POU2F1: variants seen among roughly 807,000 people sequenced by gnomAD.
POU2F1 encodes POU class 2 homeobox 1.
Under a neutral mutation model 84.9 loss-of-function variants are expected in POU2F1, and 16 were observed. The ratio of observed to expected loss-of-function variants is 0.19; its 90% CI spans 0.13 to 0.29. The LOEUF is 0.29. Among genes scored for constraint, POU2F1 ranks in the 10% least tolerant of loss-of-function variants. The probability of loss-of-function intolerance (pLI) is 1.00; values close to 1 mark genes in which losing one functional copy is unlikely to be tolerated. For synonymous variants in POU2F1, 368 were observed against 368.3 expected (o/e 1.00, Z 0.01); for missense variants, 738 against 942.6 (o/e 0.78, Z 2.84).
chr1:167,285,047 G>T (rs932731493), intron 1 of POU2F1, among the ~76,000 whole-genome samples: 2 of 152,184 alleles, frequency 1.3e-5, no homozygotes, highest in African/African-American at 2.4e-5. Flanking sequence ...TCACTTGGCA[G>T]CTGTGATATG....
intron 1 of POU2F1, among the ~76,000 whole-genome samples, chr1:167,278,619 T>C (rs1329431316): frequency 6.6e-6 from 1 of 152,208 alleles, no homozygotes; most frequent in African/African-American, 2.4e-5. Context: ...TAAAATCAGC[T>C]AATTCCTGAG....
intron 7 of POU2F1, among the ~76,000 whole-genome samples, chr1:167,381,603 C>CTTTTTTTT (rs147770215): frequency 3.0e-5 from 2 of 65,988 alleles, no homozygotes; most frequent in Admixed American, 2.1e-4. Flanking sequence ...GCTCTCTTCT[C>CTTTTTTTT]TTTTTTTTTT....
At chr1:167,259,793 G>A (rs1036165155) in intron 1 of POU2F1, among the ~76,000 whole-genome samples, 13 of 152,096 alleles carry the variant, frequency 8.5e-5, no homozygotes, top group Admixed American at 7.2e-4. Flanking sequence ...CATTGCACAT[G>A]AAATGGCATC....
At chr1:167,350,509 A>C (rs1208245779) in intron 2 of POU2F1, among the ~76,000 whole-genome samples, 2 of 152,054 alleles carry the variant, frequency 1.3e-5, no homozygotes, top group Admixed American at 6.6e-5. Flanking sequence ...ACATTGCAAA[A>C]GACAGATTTT....
intron 1 of POU2F1, among the ~76,000 whole-genome samples, chr1:167,227,962 T>C (rs1349784569): frequency 6.6e-6 from 1 of 152,226 alleles, no homozygotes; most frequent in Non-Finnish European, 1.5e-5. Context: ...AGTGACTTGC[T>C]CACAGTCACT....
At position 167,220,945 on chromosome 1, in the gene POU2F1, G is replaced by T; in HGVS notation, c.48G>T (p.Ala16=). ...AASQDESSAA[A]AAAADSRMNN... is the part of the protein sequence containing the mutation. ...GTCAAGATGAGAGTTCAGCCGCGGC[G>T]GCAGCAGCAGCAGGTAATCATTACA... Residue 16 remains alanine, a synonymous_variant, in exon 1 of 16, where the codon GCG becomes GCT. Coordinates refer to ENST00000367866, the MANE Select transcript of POU2F1 (RefSeq NM_002697.4). 1 of 1,535,326 alleles carries T rather than the reference G, an allele frequency of 6.5e-7. No homozygotes were observed. Among genetic ancestry groups the T allele is most frequent in the South Asian group, 1.2e-5 (1 of 84,018 alleles).
chr1:167,266,292 G>A (rs537658738), intron 1 of POU2F1, among the ~76,000 whole-genome samples: 63 of 152,284 alleles, frequency 4.1e-4, no homozygotes, highest in Non-Finnish European at 7.8e-4. Flanking sequence ...TCTTCCGAAG[G>A]TGGATTTGGA....
intron 13 of POU2F1, 77 bp downstream of exon 13, chr1:167,401,633 A>C: frequency 1.2e-6 from 1 of 864,314 alleles, no homozygotes; most frequent in Non-Finnish European, 1.7e-6. Flanking sequence ...TCTACCATTA[A>C]ATTGTGAATT....
intron 5 of POU2F1, 27 bp from the exon 6 acceptor site, chr1:167,374,081 C>G (rs766157231): frequency 6.2e-7 from 1 of 1,610,204 alleles, no homozygotes; most frequent in Admixed American, 1.7e-5. Flanking sequence ...TCAACACTTT[C>G]CCATAATGTG....
intron 8 of POU2F1, among the ~76,000 whole-genome samples, chr1:167,384,846 T>C (rs1167804100): frequency 1.3e-5 from 2 of 152,098 alleles, no homozygotes; most frequent in Non-Finnish European, 2.9e-5. Flanking sequence ...AAGGTGCCAG[T>C]AATGCAATAA....
chr1:167,351,927 T>C (rs1364634290), intron 2 of POU2F1, among the ~76,000 whole-genome samples: 1 of 152,172 alleles, frequency 6.6e-6, no homozygotes, highest in African/African-American at 2.4e-5. Context: ...TTCTCATTTG[T>C]GGAAAAATGA....
chr1:167,394,394 A>G (rs190786407), intron 9 of POU2F1, among the ~76,000 whole-genome samples: 1 of 152,324 alleles, frequency 6.6e-6, no homozygotes, highest in Admixed American at 6.5e-5. Context: ...GTCTTTAGAC[A>G]TATTTGTATA....
At chr1:167,320,775 T>C (rs564433402) in intron 1 of POU2F1, among the ~76,000 whole-genome samples, 2 of 152,320 alleles carry the variant, frequency 1.3e-5, no homozygotes, top group South Asian at 4.1e-4. Context: ...TTCTATTTAT[T>C]TGAGCCTTAT....
intron 1 of POU2F1, among the ~76,000 whole-genome samples, chr1:167,245,310 G>A (rs576359336): frequency 1.3e-5 from 2 of 151,076 alleles, no homozygotes; most frequent in East Asian, 3.9e-4. Context: ...TGGCATGATC[G>A]TGGCTCAGTG....
At chr1:167,262,689 C>T (rs1571189405) in intron 1 of POU2F1, among the ~76,000 whole-genome samples, 1 of 152,100 alleles carries the variant, frequency 6.6e-6, no homozygotes, top group East Asian at 1.9e-4. Context: ...GGATTTTGTA[C>T]TTGAGGTGGG....
At chr1:167,271,350 T>G (rs1652354584) in intron 1 of POU2F1, among the ~76,000 whole-genome samples, 1 of 152,216 alleles carries the variant, frequency 6.6e-6, no homozygotes, top group Non-Finnish European at 1.5e-5. Flanking sequence ...AAACATTAAA[T>G]GTATTTGTGA....
chr1:167,413,063 G>A lies in POU2F1; in HGVS notation c.1939G>A (p.Gly647Ser), dbSNP rs371507009. 17 of 1,613,956 alleles carry A rather than the reference G, an allele frequency of 1.1e-5. No homozygotes were observed. Among genetic ancestry groups the A allele is most frequent in the South Asian group, 3.3e-5 (3 of 91,084 alleles). ...CAGTCTGAATCCAGGGACCCTGAGC[G>A]GTGCTCTCAGCCCAGCTCTAATGAG... is the stretch of plus-strand genomic sequence containing the variant. ...LLSLNPGTLS[G>S]ALSPALMSNS... The change falls in exon 15 of 16, where the codon GGT becomes AGT. Residue 647 changes from glycine to serine, a missense_variant. Around this residue, in one of 4 missense-constraint regions of POU2F1, gnomAD observed 319 missense variants for 386.0 expected, o/e 0.83. Transcript: ENST00000367866.
At chr1:167,413,523 C>CT (rs1277858342) in intron 15 of POU2F1, among the ~76,000 whole-genome samples, 3 of 152,156 alleles carry the variant, frequency 2.0e-5, no homozygotes, top group African/African-American at 7.2e-5. Context: ...AGCTGCACTC[C>CT]TGAGAAAGCT....
chr1:167,369,225 A>G (rs996408205), intron 3 of POU2F1, among the ~76,000 whole-genome samples: 6 of 152,096 alleles, frequency 3.9e-5, no homozygotes, highest in Non-Finnish European at 5.9e-5. Context: ...TTCAGATTCT[A>G]CACTTTTGTT....
Sources: allele counts gnomAD v4.1 joint callset (sites outside exome capture counted in the v4.1 genomes callset), GRCh38; gene constraint gnomAD v4.1.1; regional missense constraint gnomAD v4.1.1; transcripts MANE v1.5; gene names NCBI Gene and HGNC (gene_info 2026-07-23, HGNC 2026-07-21).